Variants in ZNF521 observed in about 807,000 individuals in gnomAD.
ZNF521 encodes the protein zinc finger protein 521.
A neutral mutation model predicts 105.5 loss-of-function variants in ZNF521; 14 were observed. That is an observed-to-expected ratio of 0.13 (90% CI 0.09 to 0.21). ZNF521 has a LOEUF of 0.21. Among genes scored for constraint, ZNF521 ranks in the 10% least tolerant of loss-of-function variants. The probability of loss-of-function intolerance (pLI) is 1.00; values close to 1 mark genes in which losing one functional copy is unlikely to be tolerated. For missense variants in ZNF521, 1,233 were observed against 1,629.7 expected, an observed-to-expected ratio of 0.76 and a Z score of 4.19; for synonymous variants, 635 against 606.0, an observed-to-expected ratio of 1.05 and a Z score of -0.70.
chr18:25,347,812 G>A (rs1187497164), intron 2 of ZNF521, among the ~76,000 whole-genome samples: 1 of 152,130 alleles, frequency 6.6e-6, no homozygotes, highest in Non-Finnish European at 1.5e-5. Flanking sequence ...ATCTGCCTTA[G>A]GTAAATGACT....
intron 5 of ZNF521, among the ~76,000 whole-genome samples, chr18:25,123,998 C>T (rs1369200182): frequency 2.6e-5 from 4 of 152,062 alleles, no homozygotes; most frequent in Non-Finnish European, 4.4e-5. Context: ...GATATACTTG[C>T]GGGACTGGGA....
intron 5 of ZNF521, among the ~76,000 whole-genome samples, chr18:25,146,527 A>G (rs2034946958): frequency 6.6e-6 from 1 of 152,208 alleles, no homozygotes; most frequent in Non-Finnish European, 1.5e-5. Context: ...TTATGCCATG[A>G]CATTGGTTTC....
At chr18:25,263,685 C>T (rs574221432) in intron 3 of ZNF521, among the ~76,000 whole-genome samples, 86 of 152,332 alleles carry the variant, frequency 5.6e-4, no homozygotes, top group African/African-American at 2.0e-3. Context: ...AAGCCATTCT[C>T]CTGCGTCAGC....
intron 5 of ZNF521, among the ~76,000 whole-genome samples, chr18:25,162,135 T>A (rs998209012): frequency 1.3e-4 from 20 of 152,172 alleles, no homozygotes; most frequent in African/African-American, 4.8e-4. Flanking sequence ...CTGTATGTGA[T>A]CATGAAGAGA....
rs1295406337 is a variant in ZNF521 at position 25,062,180 on chromosome 18, C to G, written c.*532G>C. 1 of 203,354 alleles carries G rather than the reference C, an allele frequency of 4.9e-6. No homozygotes were observed. The highest frequency in any genetic ancestry group is 2.3e-5 in the African/African-American group (1 of 43,652). The allele number at this position is 203,354 out of a possible 1,614,324, so 12.6% of individuals were successfully genotyped here. On this transcript the variant is annotated 3_prime_UTR_variant, in exon 8 of 8. Coordinates refer to ENST00000361524, the MANE Select transcript of ZNF521 (RefSeq NM_015461.3). ...GCTACCTGTCACATTGCAAGGCTTA[C>G]AAATATATATATACGGGCCTTATCC...
At chr18:25,350,981 G>A (rs1248587318) in intron 1 of ZNF521, 34 bp from the exon 2 acceptor site, 1 of 1,532,160 alleles carries the variant, frequency 6.5e-7, no homozygotes, top group Non-Finnish European at 8.8e-7. Context: ...TTTCAATTCA[G>A]CCCTGAAAGA....
chr18:25,217,199 G>A (rs1383232276), intron 4 of ZNF521, among the ~76,000 whole-genome samples: 1 of 152,176 alleles, frequency 6.6e-6, no homozygotes, highest in East Asian at 1.9e-4. Flanking sequence ...GCTTCCAACT[G>A]CAGCATGAAG....
intron 3 of ZNF521, among the ~76,000 whole-genome samples, chr18:25,298,699 T>C (rs1471793419): frequency 6.6e-6 from 1 of 152,144 alleles, no homozygotes; most frequent in Non-Finnish European, 1.5e-5. Flanking sequence ...CTATGTACTT[T>C]CAGCAACAAT....
chr18:25,114,862 TGTCACAGAAGTTTTC>T (rs2144316828), intron 5 of ZNF521, among the ~76,000 whole-genome samples: 1 of 152,352 alleles, frequency 6.6e-6, no homozygotes, highest in East Asian at 1.9e-4. Context: ...GCCTCAAGGA[TGTCACAGAAGTTTTC>T]ATTAAAAGTG....
At chr18:25,119,794 G>A (rs887205887) in intron 5 of ZNF521, among the ~76,000 whole-genome samples, 3 of 151,702 alleles carry the variant, frequency 2.0e-5, no homozygotes, top group Non-Finnish European at 2.9e-5. Flanking sequence ...TAAATTAAAC[G>A]TAAATCAGTA....
intron 7 of ZNF521, among the ~76,000 whole-genome samples, chr18:25,071,115 A>G (rs530853603): frequency 1.3e-5 from 2 of 152,310 alleles, no homozygotes; most frequent in African/African-American, 4.8e-5. Context: ...TGAGTATGCT[A>G]CTTTGTCTTC....
At chr18:25,339,990 C>T (rs191574194) in intron 2 of ZNF521, among the ~76,000 whole-genome samples, 41 of 152,264 alleles carry the variant, frequency 2.7e-4, no homozygotes, top group Admixed American at 1.2e-3. Flanking sequence ...GAAAAGAATA[C>T]CAGCATTTGG....
In ZNF521 at chr18:25,091,216, A is replaced by C. The variant is rs921559201; in HGVS notation, c.3790+734T>G. Among the ~76,000 whole-genome samples the C allele has an allele frequency of 2.0e-5, 3 of 152,228 alleles. No individual in the cohort carries two copies. The East Asian group carries it at 5.8e-4, about 29-fold the overall frequency. ...GGCTTAACCACTGAGTCCAAAACAC[A>C]TGCAAAATAATCACAAAGGATTTTC... On this transcript the variant is annotated intron_variant, in intron 6 of 7. Transcript: ENST00000361524.
At chr18:25,130,763 CGAGA>C (rs2034626070) in intron 5 of ZNF521, among the ~76,000 whole-genome samples, 1 of 151,966 alleles carries the variant, frequency 6.6e-6, no homozygotes, top group Non-Finnish European at 1.5e-5. Flanking sequence ...GGCAACATAG[CGAGA>C]CCCCATCTCT....
intron 3 of ZNF521, among the ~76,000 whole-genome samples, chr18:25,277,174 C>T (rs1910085787): frequency 6.8e-6 from 1 of 146,378 alleles, no homozygotes; most frequent in South Asian, 2.1e-4. Flanking sequence ...CAGAGCAAGA[C>T]TCCGTCTCAA....
At chr18:25,240,853 T>C (rs182335440) in intron 3 of ZNF521, among the ~76,000 whole-genome samples, 2 of 151,798 alleles carry the variant, frequency 1.3e-5, no homozygotes, top group Admixed American at 1.3e-4. Flanking sequence ...AACAAATCTC[T>C]TTCTTATCCA....
chr18:25,351,074 G>GCGCTCCGCTCCT (rs1379012759), intron 1 of ZNF521, 127 bp from the exon 2 acceptor site: 2 of 527,680 alleles, frequency 3.8e-6, no homozygotes, highest in Non-Finnish European at 2.6e-6. Context: ...CCCTCGCTCC[G>GCGCTCCGCTCCT]CGCTCCGCTC....
intron 3 of ZNF521, among the ~76,000 whole-genome samples, chr18:25,308,030 C>T (rs1912075351): frequency 6.6e-6 from 1 of 151,848 alleles, no homozygotes; most frequent in Non-Finnish European, 1.5e-5. Flanking sequence ...GGCAAAACCC[C>T]ATCTCTACTA....
intron 3 of ZNF521, among the ~76,000 whole-genome samples, chr18:25,255,968 A>G (rs1306487734): frequency 1.3e-5 from 2 of 148,224 alleles, no homozygotes; most frequent in African/African-American, 4.9e-5. Context: ...TATCGTATAT[A>G]TATATGTTAT....
Sources: allele counts gnomAD v4.1 joint callset (sites outside exome capture counted in the v4.1 genomes callset), GRCh38; gene constraint gnomAD v4.1.1; transcripts MANE v1.5; gene names NCBI Gene and HGNC (gene_info 2026-07-23, HGNC 2026-07-21).